SVIL: variants seen among roughly 807,000 people sequenced by gnomAD.
SVIL encodes the protein archvillin.
Under a neutral mutation model 240.4 loss-of-function variants are expected in SVIL, and 101 were observed. That is an observed-to-expected ratio of 0.42 (90% confidence interval 0.36 to 0.50). The LOEUF is 0.50. SVIL is among the 20% of genes least tolerant of loss of function. SVIL has a pLI of 0.01. For missense variants in SVIL, 2,512 were observed against 2,818.7 expected (o/e 0.89, Z 2.46); for synonymous variants, 999 against 1,100.0 (o/e 0.91, Z 1.82).
At position 29,495,174 on chromosome 10, in the gene SVIL, C is replaced by A; in HGVS notation, c.3672G>T (p.Ala1224=). 7 of 1,480,368 alleles carry A rather than the reference C, an allele frequency of 4.7e-6. No homozygotes were observed. The highest frequency in any genetic ancestry group is 2.3e-5 in the East Asian group (1 of 43,742). 91.7% of individuals were successfully genotyped at this position (1,480,368 alleles called of 1,614,324 possible). ...VAGRMVKKGL[A]SPTAITPVAS... ...CTACTGGGGTTATGGCAGTAGGTGACGCCAAACCTGTGGAACACACAGACG... is the reference window on the plus strand; with the variant it reads ...CTACTGGGGTTATGGCAGTAGGTGAAGCCAAACCTGTGGAACACACAGACG... Residue 1224 remains alanine (A), a synonymous_variant, in exon 19 of 38, where the codon GCG becomes GCT. Coordinates refer to ENST00000355867, the MANE Select transcript of SVIL (RefSeq NM_021738.3).
In SVIL at chr10:29,532,137, C is replaced by T; in HGVS notation, c.1874G>A (p.Gly625Asp). 2 of 1,613,974 alleles carry T rather than the reference C, an allele frequency of 1.2e-6. No individual in the cohort carries two copies. The highest frequency in any genetic ancestry group is 1.7e-6 in the Non-Finnish European group (2 of 1,179,866). ...CTCCCGTTCCACACCGGTGGGCAAG[C>T]CAGGTCCTTCAGCCGACCTCTCCAC... ...SRVERSAEGP[G>D]LPTGVERERG... Residue 625 changes from glycine to aspartate, a missense_variant, in exon 9 of 38, where the codon GGC (glycine) becomes GAC (aspartate). By Grantham distance (94) the Gly-to-Asp change is moderately conservative. Around this residue, in one of 3 missense-constraint regions of SVIL, gnomAD observed 1,443 missense variants for 1,486.6 expected, o/e 0.97. Transcript: ENST00000355867.
intron 1 of SVIL, among the ~76,000 whole-genome samples, chr10:29,583,131 A>G (rs1373345485): frequency 6.6e-6 from 1 of 152,232 alleles, no homozygotes; most frequent in Non-Finnish European, 1.5e-5. Context: ...CTAGACTCCA[A>G]TAATTTGAAG....
At chr10:29,687,521 C>T (rs545299505) in intron 1 of SVIL, among the ~76,000 whole-genome samples, 31 of 152,286 alleles carry the variant, frequency 2.0e-4, no homozygotes, top group Admixed American at 9.8e-4. Context: ...GCAAAACCCC[C>T]GTCTCTACCA....
At chr10:29,533,507 A>G (rs750784253) in intron 7 of SVIL, 49 bp from the exon 8 acceptor site, 2 of 1,562,834 alleles carry the variant, frequency 1.3e-6, no homozygotes, top group African/African-American at 2.7e-5. Flanking sequence ...TAACGGCCTC[A>G]CAGGAGGAAA....
rs956517890 is a variant in SVIL at position 29,682,505 on chromosome 10, C to T, written c.-301+4048G>A. ...AAATCCTTTTCCTCCTGGAGCTTAT[C>T]GTCTAGTGATCAGTGAGGAGATACC... On this transcript the variant is annotated intron_variant, in intron 2 of 35. Transcript: ENST00000375400. Among the ~76,000 whole-genome samples the T allele has an allele frequency of 2.2e-4, 33 of 152,286 alleles. 1 individual carries two copies. The highest frequency in any genetic ancestry group is 7.7e-4 in the African/African-American group (32 of 41,564).
chr10:29,652,228 G>A (rs377228840), intron 3 of SVIL, among the ~76,000 whole-genome samples: 21 of 152,200 alleles, frequency 1.4e-4, no homozygotes, highest in African/African-American at 4.3e-4. Context: ...ACCCCCTGTC[G>A]TAGGCAACCA....
intron 1 of SVIL, among the ~76,000 whole-genome samples, chr10:29,622,155 C>G (rs187702356): frequency 9.4e-4 from 133 of 140,896 alleles, no homozygotes; most frequent in African/African-American, 3.4e-3. Context: ...GAGGCTGAGG[C>G]AGGAGAATGG....
At chr10:29,657,405 A>G (rs909695663) in intron 3 of SVIL, among the ~76,000 whole-genome samples, 1 of 152,284 alleles carries the variant, frequency 6.6e-6, no homozygotes, top group Admixed American at 6.5e-5. Flanking sequence ...AAGGTCATTT[A>G]ACTTTAATCC....
intron 1 of SVIL, among the ~76,000 whole-genome samples, chr10:29,573,377 C>A (rs933987407): frequency 1.3e-5 from 2 of 151,964 alleles, no homozygotes; most frequent in African/African-American, 4.8e-5. Flanking sequence ...GAAAAAGGCA[C>A]AACATTCTTT....
intron 32 of SVIL, 67 bp downstream of exon 32, chr10:29,470,209 C>A: frequency 6.3e-7 from 1 of 1,581,626 alleles, no homozygotes; most frequent in Non-Finnish European, 8.7e-7. Context: ...CTTGGTACCC[C>A]TGAGCCTGCC....
intron 1 of SVIL, among the ~76,000 whole-genome samples, chr10:29,580,260 A>C (rs1955882500): frequency 6.6e-6 from 1 of 151,990 alleles, no homozygotes; most frequent in South Asian, 2.1e-4. Context: ...AAGTGGGAGG[A>C]GCGTTTGAAC....
intron 6 of SVIL, among the ~76,000 whole-genome samples, chr10:29,537,710 A>G (rs1330871464): frequency 2.0e-5 from 3 of 152,254 alleles, no homozygotes; most frequent in African/African-American, 4.8e-5. Flanking sequence ...TTAATTTTCT[A>G]AAATCATTTT....
At chr10:29,568,535 A>G (rs1431184725) in intron 2 of SVIL, among the ~76,000 whole-genome samples, 2 of 152,222 alleles carry the variant, frequency 1.3e-5, no homozygotes, top group Non-Finnish European at 2.9e-5. Flanking sequence ...CCTCCATCTG[A>G]AAATATCAAA....
At chr10:29,478,150 G>A (rs993887866) in intron 29 of SVIL, among the ~76,000 whole-genome samples, 1 of 152,012 alleles carries the variant, frequency 6.6e-6, no homozygotes, top group Non-Finnish European at 1.5e-5. Flanking sequence ...TGCCTGCCCC[G>A]AAACACACTC....
intron 2 of SVIL, among the ~76,000 whole-genome samples, chr10:29,663,168 C>G (rs1021313736): frequency 6.6e-6 from 1 of 151,916 alleles, no homozygotes; most frequent in Non-Finnish European, 1.5e-5. Flanking sequence ...AACCAATGGC[C>G]CATTTTATTT....
At chr10:29,721,257 C>CAAACAA (rs112683847) in intron 1 of SVIL, among the ~76,000 whole-genome samples, 6,390 of 150,058 alleles carry the variant, frequency 0.043, 416 homozygotes, top group African/African-American at 0.14. Flanking sequence ...AACAAACAAA[C>CAAACAA]AAAAAAACAC....
chr10:29,632,256 G>A (rs1371233044), intron 1 of SVIL, among the ~76,000 whole-genome samples: 1 of 152,144 alleles, frequency 6.6e-6, no homozygotes, highest in Non-Finnish European at 1.5e-5. Flanking sequence ...TTGGGAGGCC[G>A]AGCGCTGGTA....
At chr10:29,636,102 G>GC (rs1379284568), upstream of SVIL, among the ~76,000 whole-genome samples, 1 of 137,752 alleles carries the variant, frequency 7.3e-6, no homozygotes, top group Non-Finnish European at 1.6e-5. Context: ...CCAGTCAACT[G>GC]TTTTTTTTTT....
At chr10:29,517,207 G>T (rs1950261995) in intron 16 of SVIL, among the ~76,000 whole-genome samples, 1 of 152,026 alleles carries the variant, frequency 6.6e-6, no homozygotes. Context: ...AGGCCAGGAG[G>T]TGGGAGACCA....
Sources: gnomAD v4.1 joint callset for allele counts (sites outside exome capture counted in the v4.1 genomes callset) on GRCh38, gnomAD v4.1.1 for gene constraint, gnomAD v4.1.1 regional missense constraint, MANE v1.5 for transcripts, NCBI Gene and HGNC (gene_info 2026-07-23, HGNC 2026-07-21) for gene names.